The following TYW1B variants were observed in gnomAD, a reference collection of about 807,000 sequenced individuals.
TYW1B encodes tRNA-yW synthesizing protein 1 homolog B.
In TYW1B, 73 loss-of-function variants were observed where a neutral mutation model predicts 86.9. That is an observed-to-expected ratio of 0.84 (90% CI 0.70 to 1.02). The LOEUF (loss-of-function observed/expected upper bound fraction) is 1.02. Ranked by LOEUF, TYW1B falls within the 50% of genes least tolerant of loss-of-function variation. The probability of loss-of-function intolerance (pLI) is 0.00; values close to 1 mark genes in which losing one functional copy is unlikely to be tolerated. For synonymous variants in TYW1B, 248 were observed against 292.8 expected (o/e 0.85, Z 1.56); for missense variants, 637 against 827.4 (o/e 0.77, Z 2.82).
rs181664242 is a variant in TYW1B, at chr7:72,796,649, G to A, written c.846+5751C>T. Among the ~76,000 whole-genome samples, 430 of 150,944 alleles carry A rather than the reference G, an allele frequency of 2.8e-3. 3 individuals carry two copies. Among genetic ancestry groups the A allele is most frequent in the Middle Eastern group, 6.8e-3 (2 of 294 alleles). ...AGAAACCCTTCGAGTTGGTTCCTAC[G>A]TCTTTTTGGCAGGTGTCCATAAGTC... is the stretch of plus-strand genomic sequence containing the variant. On this transcript the variant is annotated intron_variant, in intron 6 of 13. Coordinates refer to ENST00000620995, the MANE Select transcript of TYW1B (RefSeq NM_001145440.3).
At chr7:72,681,881 G>A (rs1455728818) in intron 11 of TYW1B, among the ~76,000 whole-genome samples, 46 of 144,660 alleles carry the variant, frequency 3.2e-4, no homozygotes, top group Non-Finnish European at 4.7e-4. Flanking sequence ...CACCGCACCC[G>A]GCCGTCTGTT....
Position 72,758,638 on chromosome 7 carries a change from C to T in TYW1B, c.965-14037G>A, listed in dbSNP as rs1433398121. On this transcript the variant is annotated intron_variant, in intron 7 of 13. Transcript: ENST00000620995. ...CCTTTTCTGCCCTGGTATGTCTTCT[C>T]TCAGTCTGAGCCTCCTTCCTTTTAG... Among the ~76,000 whole-genome samples the T allele has an allele frequency of 7.9e-5, 12 of 152,284 alleles. No individual in the cohort carries two copies. In the East Asian group the frequency reaches 1.4e-3, roughly 17 times the overall value.
At chr7:72,754,903 C>A (rs368874541) in intron 7 of TYW1B, among the ~76,000 whole-genome samples, 114 of 151,992 alleles carry the variant, frequency 7.5e-4, no homozygotes, top group African/African-American at 2.5e-3. Flanking sequence ...ATAGTTTGGG[C>A]AAAACACAAA....
intron 7 of TYW1B, among the ~76,000 whole-genome samples, chr7:72,774,378 G>C (rs1311321650): frequency 1.2e-5 from 1 of 83,708 alleles, no homozygotes; most frequent in Non-Finnish European, 3.0e-5. Flanking sequence ...CCTTGTCCCA[G>C]GGGAAAAAAA....
chr7:72,750,968 C>T (rs1787489527), intron 7 of TYW1B, among the ~76,000 whole-genome samples: 1 of 152,022 alleles, frequency 6.6e-6, no homozygotes, highest in South Asian at 2.1e-4. Context: ...AACTGCCACG[C>T]AATCTCTAAG....
chr7:72,763,271 TCTTTTCTTTTC>T, intron 7 of TYW1B, among the ~76,000 whole-genome samples: 1 of 134,600 alleles, frequency 7.4e-6, no homozygotes, highest in Admixed American at 7.8e-5. Context: ...TTTTGTTTTT[TCTTTTCTTTTC>T]TTTTTTTTTT....
At chr7:72,601,909 G>A (rs1211305652) in intron 13 of TYW1B, among the ~76,000 whole-genome samples, 5 of 152,260 alleles carry the variant, frequency 3.3e-5, no homozygotes, top group Admixed American at 1.3e-4. Flanking sequence ...CAGGAGGGAC[G>A]AAAAGAGGAA....
chr7:72,651,728 A>C (rs559433667), intron 11 of TYW1B, among the ~76,000 whole-genome samples: 6 of 152,324 alleles, frequency 3.9e-5, no homozygotes, highest in African/African-American at 1.4e-4. Context: ...GCAAGTCATA[A>C]AAAATCACAA....
intron 8 of TYW1B, among the ~76,000 whole-genome samples, chr7:72,740,429 G>T (rs1423750843): frequency 7.0e-6 from 1 of 142,842 alleles, no homozygotes; most frequent in African/African-American, 2.6e-5. Context: ...CGAAAGAAAT[G>T]TTCCAAGACA....
intron 6 of TYW1B, among the ~76,000 whole-genome samples, chr7:72,779,753 A>C (rs1485778187): frequency 5.3e-5 from 8 of 150,304 alleles, no homozygotes; most frequent in African/African-American, 2.0e-4. Context: ...ACAGAAAGTA[A>C]GTGAAATTTG....
chr7:72,642,073 T>C (rs1445950087), intron 11 of TYW1B, among the ~76,000 whole-genome samples: 3 of 152,266 alleles, frequency 2.0e-5, no homozygotes, highest in Non-Finnish European at 2.9e-5. Flanking sequence ...ATAAAACCCA[T>C]ACACTTAGCG....
At chr7:72,652,200 C>A (rs1813076495) in intron 11 of TYW1B, among the ~76,000 whole-genome samples, 1 of 151,610 alleles carries the variant, frequency 6.6e-6, no homozygotes, top group Admixed American at 6.6e-5. Flanking sequence ...CACAGTGAAA[C>A]CCCGCCTCTA....
chr7:72,621,050 T>C (rs1812200997), intron 12 of TYW1B, among the ~76,000 whole-genome samples: 2 of 152,208 alleles, frequency 1.3e-5, no homozygotes, highest in Admixed American at 1.3e-4. Flanking sequence ...ACTGTGGCTA[T>C]CTGAGCGTTC....
At chr7:72,811,952 A>T in intron 3 of TYW1B, among the ~76,000 whole-genome samples, 1 of 151,446 alleles carries the variant, frequency 6.6e-6, no homozygotes, top group Non-Finnish European at 1.5e-5. Flanking sequence ...GAAAAGAAAA[A>T]ATACAGAGAG....
intron 11 of TYW1B, among the ~76,000 whole-genome samples, chr7:72,653,679 T>G (rs2129569271): frequency 6.6e-6 from 1 of 152,070 alleles, no homozygotes; most frequent in Non-Finnish European, 1.5e-5. Context: ...GGTTCAACAT[T>G]CAAAATTCAT....
chr7:72,601,573 G>A (rs1347791278), intron 13 of TYW1B, among the ~76,000 whole-genome samples: 3 of 151,892 alleles, frequency 2.0e-5, no homozygotes, highest in African/African-American at 7.3e-5. Flanking sequence ...AATGTTTAGA[G>A]CAGCTTTGTT....
chr7:72,635,121 C>T (rs1463506100), intron 11 of TYW1B, among the ~76,000 whole-genome samples: 1 of 152,080 alleles, frequency 6.6e-6, no homozygotes, highest in Non-Finnish European at 1.5e-5. Context: ...TATTGCCACT[C>T]ACATTTGTGT....
intron 9 of TYW1B, among the ~76,000 whole-genome samples, chr7:72,724,244 G>A (rs1786958314): frequency 6.6e-6 from 1 of 152,122 alleles, no homozygotes; most frequent in Non-Finnish European, 1.5e-5. Flanking sequence ...GGCCCAGGCA[G>A]AAGGATCATT....
intron 7 of TYW1B, among the ~76,000 whole-genome samples, chr7:72,753,839 T>G (rs781966876): frequency 7.9e-5 from 12 of 151,686 alleles, no homozygotes; most frequent in Non-Finnish European, 1.5e-4. Context: ...TTAAATTACT[T>G]TTTTTTTAGA....
Sources: gnomAD v4.1 joint callset for allele counts (sites outside exome capture counted in the v4.1 genomes callset) on GRCh38, gnomAD v4.1.1 for gene constraint, MANE v1.5 for transcripts, NCBI Gene and HGNC (gene_info 2026-07-23, HGNC 2026-07-21) for gene names.